Variants in RASSF1 observed in about 807,000 individuals in gnomAD.
RASSF1 encodes the protein ras association domain-containing protein 1.
A neutral mutation model predicts 34.3 loss-of-function variants in RASSF1; 33 were observed. The observed-to-expected ratio is 0.96, with a 90% CI of 0.73 to 1.29. The LOEUF is 1.29. RASSF1 is among the 50% of genes most tolerant of loss of function. The pLI is 0.00. For synonymous variants in RASSF1, 191 were observed against 195.0 expected (o/e 0.98, Z 0.17); for missense variants, 445 against 471.8 (o/e 0.94, Z 0.53).
intron 2 of RASSF1, among the ~76,000 whole-genome samples, chr3:50,333,119 C>A (rs1035038129): frequency 6.6e-6 from 1 of 152,020 alleles, no homozygotes. Flanking sequence ...TCAGTAAAAT[C>A]ACACCTCAAT....
At chr3:50,334,980 C>T (rs1422649062) in intron 2 of RASSF1, among the ~76,000 whole-genome samples, 1 of 152,124 alleles carries the variant, frequency 6.6e-6, no homozygotes, top group Non-Finnish European at 1.5e-5. Context: ...GACAGAGTCT[C>T]GCTCTGTTTT....
rs760883035 is a variant in RASSF1 at position 50,332,083 on chromosome 3, A to G, written c.429T>C (p.Asn143=). The change falls in exon 3 of 6, where the codon AAT becomes AAC. Residue 143 remains asparagine, a synonymous_variant. Transcript: ENST00000359365. The part of the protein sequence containing the change: ...AEIEQKIKEY[N]AQINSNLFMS... The stretch of plus-strand genomic sequence containing the variant: ...TGAAGAGGTTGCTGTTGATCTGGGC[A>G]TTGTACTCCTTGATCTTCTGCTCAA... 23 of 1,614,048 alleles carry G rather than the reference A, an allele frequency of 1.4e-5. No individual in the cohort carries two copies. Among genetic ancestry groups the G allele is most frequent in the Non-Finnish European group, 1.9e-5 (23 of 1,180,040 alleles).
intron 2 of RASSF1, chr3:50,337,250 G>C: frequency 6.2e-7 from 1 of 1,613,086 alleles, no homozygotes; most frequent in Non-Finnish European, 8.5e-7. Flanking sequence ...GAGTCCTCTT[G>C]GCTGCAGTAG....
intron 3 of RASSF1, 27 bp downstream of exon 3, chr3:50,332,023 C>G (rs767300615): frequency 7.5e-6 from 12 of 1,607,894 alleles, no homozygotes; most frequent in Non-Finnish European, 1.0e-5. Flanking sequence ...CTCCTCCCCA[C>G]GCCCCCTTCC....
At chr3:50,340,478 C>T (rs1040157915) in intron 1 of RASSF1, 78 bp downstream of exon 1, 2 of 1,381,748 alleles carry the variant, frequency 1.4e-6, no homozygotes, top group South Asian at 1.6e-5. Flanking sequence ...CCCCCTCTGC[C>T]GCGACTTGAC....
chr3:50,338,236 T>A lies in RASSF1; in HGVS notation c.251-225A>T. 8 of 1,372,086 alleles carry A rather than the reference T, an allele frequency of 5.8e-6. No homozygotes were observed. In the South Asian group the frequency reaches 1.4e-4, roughly 24 times the overall value. The allele number at this position is 1,372,086 out of a possible 1,614,324, so 85.0% of individuals were successfully genotyped here. A position where few individuals can be genotyped will look rare whatever the true frequency, so the allele number is the denominator to read the frequency against. ...CAGAGAGGCCTGCTCAACAGTTGGATCTCTATCGCCTAGCACAGAACTTCC... is the reference window on the plus strand; with the variant it reads ...CAGAGAGGCCTGCTCAACAGTTGGAACTCTATCGCCTAGCACAGAACTTCC... On this transcript the variant is annotated intron_variant, in intron 1 of 5. Transcript: ENST00000359365.
At chr3:50,335,338 A>AT (rs1703096438) in intron 2 of RASSF1, among the ~76,000 whole-genome samples, 1 of 116,108 alleles carries the variant, frequency 8.6e-6, no homozygotes, top group Admixed American at 1.1e-4. Context: ...TTTTTTTGAG[A>AT]CAGAGTCTTG....
Position 50,340,786 on chromosome 3 carries a change from A to T in RASSF1, c.20T>A (p.Leu7His). Residue 7 changes from leucine to histidine, a missense_variant, in exon 1 of 6, where the codon CTC becomes CAC. By Grantham distance (99) the Leu-to-His change is moderately conservative. Transcript: ENST00000359365. Reference sequence around the variant, plus strand: ...GGGTGCCAGCTCCCGCAGCTCAATGAGCTCAGGCTCCCCCGACATGGCCCG... The same window carrying T: ...GGGTGCCAGCTCCCGCAGCTCAATGTGCTCAGGCTCCCCCGACATGGCCCG... MSGEPE[L>H]IELRELAPAG... 1 of 1,512,406 alleles carries T rather than the reference A, an allele frequency of 6.6e-7. No individual in the cohort carries two copies. The highest frequency in any genetic ancestry group is 8.8e-7 in the Non-Finnish European group (1 of 1,140,352). The allele number at this position is 1,512,406 out of a possible 1,614,324, so 93.7% of individuals were successfully genotyped here.
chr3:50,339,216 CCAGTTACTGGAGA>C (rs1242589416), intron 1 of RASSF1, among the ~76,000 whole-genome samples: 1 of 152,204 alleles, frequency 6.6e-6, no homozygotes, highest in Non-Finnish European at 1.5e-5. Flanking sequence ...CACTAGGCTC[CCAGTTACTGGAGA>C]CAAAAGCCCA....
chr3:50,338,392 GC>G (rs1310627830), intron 1 of RASSF1: 1 of 203,194 alleles, frequency 4.9e-6, no homozygotes, highest in Non-Finnish European at 9.5e-6. Flanking sequence ...CGATTCTTCT[GC>G]CTCAGCCTCC....
intron 1 of RASSF1, among the ~76,000 whole-genome samples, chr3:50,338,744 C>T (rs961524714): frequency 5.9e-5 from 9 of 152,180 alleles, no homozygotes; most frequent in Non-Finnish European, 1.3e-4. Context: ...CTCCCCTCTA[C>T]CCACTCCAGC....
intron 2 of RASSF1, chr3:50,337,119 C>A: frequency 2.0e-6 from 3 of 1,514,900 alleles, no homozygotes; most frequent in East Asian, 2.5e-5. Context: ...CCGGGGAGGG[C>A]GGAGCTCCAG....
chr3:50,337,230 C>CTCCGAG lies in RASSF1; in HGVS notation c.357+669_357+674dup, dbSNP rs777125991. On this transcript the variant is annotated intron_variant, in intron 2 of 5. Coordinates refer to ENST00000359365, the MANE Select transcript of RASSF1 (RefSeq NM_007182.5). ...TTCGCGCGGTGAAGTACTGCTCGAG[C>CTCCGAG]TCCGAGTCCGAGTCCTCTTGGCTGC... 10 of 1,613,000 alleles carry CTCCGAG rather than the reference C, an allele frequency of 6.2e-6. No homozygotes were observed. The African/African-American group carries it at 1.2e-4, about 19-fold the overall frequency.
chr3:50,337,854 T>G, intron 2 of RASSF1, 51 bp downstream of exon 2: 1 of 1,483,814 alleles, frequency 6.7e-7, no homozygotes, highest in Non-Finnish European at 9.3e-7. Context: ...ATGCCTGCAC[T>G]GTGGCCTGCC....
chr3:50,334,315 C>A (rs1413434095), intron 2 of RASSF1, among the ~76,000 whole-genome samples: 1 of 152,136 alleles, frequency 6.6e-6, no homozygotes, highest in East Asian at 1.9e-4. Flanking sequence ...ATCCAAAGGT[C>A]TCCTGGATGG....
intron 1 of RASSF1, 90 bp downstream of exon 1, chr3:50,340,466 G>C: frequency 1.5e-6 from 2 of 1,366,110 alleles, no homozygotes; most frequent in Non-Finnish European, 1.9e-6. Flanking sequence ...TGTCCCCGCC[G>C]ACCCCCTCTG....
rs866562652 is a variant in RASSF1, at chr3:50,330,957, T to C, written c.877-230A>G. On this transcript the variant is annotated intron_variant, in intron 5 of 5. Coordinates refer to ENST00000359365, the MANE Select transcript of RASSF1 (RefSeq NM_007182.5). This position sits in a 1 kb window ranked among gnomAD's most constrained non-coding sequence, Gnocchi z 4.5. ...GACAACCAAGTCAGATGTTCCCCAA[T>C]TACCTGTGGACAGGTCAGGCATATT... is the stretch of plus-strand genomic sequence containing the variant. 2.6e-5 allele frequency among the ~76,000 whole-genome samples: 4 copies of C among 152,282 alleles called. 1 individual carries two copies. The Middle Eastern group carries it at 0.01, about 388-fold the overall frequency.
At chr3:50,333,088 C>T (rs1199100143) in intron 2 of RASSF1, among the ~76,000 whole-genome samples, 9 of 150,738 alleles carry the variant, frequency 6.0e-5, no homozygotes, top group Admixed American at 5.3e-4. Context: ...GAGCGAAACT[C>T]GGTCTCAAAA....
At chr3:50,335,562 G>A (rs1182754740) in intron 2 of RASSF1, among the ~76,000 whole-genome samples, 1 of 151,982 alleles carries the variant, frequency 6.6e-6, no homozygotes, top group African/African-American at 2.4e-5. Flanking sequence ...CAAGTGATCT[G>A]CCTGCCTTGG....
Sources: allele counts gnomAD v4.1 joint callset (sites outside exome capture counted in the v4.1 genomes callset), GRCh38; gene constraint gnomAD v4.1.1; non-coding constraint Gnocchi (gnomAD v3.1); transcripts MANE v1.5; gene names NCBI Gene and HGNC (gene_info 2026-07-23, HGNC 2026-07-21).